The following TUSC3 variants were observed in gnomAD, a reference collection of about 807,000 sequenced individuals.
TUSC3 encodes dolichyl-diphosphooligosaccharide--protein glycosyltransferase subunit TUSC3.
A neutral mutation model predicts 44.8 loss-of-function variants in TUSC3; 45 were observed. The ratio of observed to expected loss-of-function variants is 1.00; its 90% CI spans 0.79 to 1.29. TUSC3 has a LOEUF of 1.29. Ranked by LOEUF, TUSC3 falls within the 50% of genes most tolerant of loss-of-function variation. The pLI, the probability that TUSC3 is intolerant of heterozygous loss-of-function variation, is 0.00. For missense variants in TUSC3, 519 were observed against 437.9 expected (o/e 1.19, Z -1.65); for synonymous variants, 212 against 152.9 (o/e 1.39, Z -2.85).
In TUSC3 at chr8:15,526,983, A is replaced by G. The variant is rs1801381295; in HGVS notation, n.189+43500A>G. ...AAGGATTAAGTGTATTTTTTGTCAT[A>G]TTCAAATTTTGTTGTGAATTCATAG... On this transcript the variant is annotated intron_variant and non_coding_transcript_variant, in intron 2 of 5. Coordinates refer to the TUSC3 transcript ENST00000503191. Among the ~76,000 whole-genome samples, 3 of 152,206 alleles carry G rather than the reference A, an allele frequency of 2.0e-5. No homozygotes were observed. In the South Asian group the frequency reaches 6.2e-4, roughly 32 times the overall value.
At chr8:15,715,783 C>T (rs1475151908) in intron 6 of TUSC3, among the ~76,000 whole-genome samples, 2 of 151,844 alleles carry the variant, frequency 1.3e-5, no homozygotes, top group East Asian at 1.9e-4. Context: ...ATGCAAAACT[C>T]GTGGGCATAC....
rs116832536 is a variant in TUSC3, at chr8:15,459,669, C to G, written n.92-23717C>G. Among the ~76,000 whole-genome samples, 489 of 152,078 alleles carry G rather than the reference C, an allele frequency of 3.2e-3. 1 individual carries two copies. Among genetic ancestry groups the G allele is most frequent in the African/African-American group, 0.011 (475 of 41,494 alleles). On this transcript the variant is annotated intron_variant and non_coding_transcript_variant, in intron 1 of 5. Transcript: ENST00000503191. ...AAAATCCATTGTATCATTTTTATGT[C>G]TTTGGTGTCCTCATAGTTTAGCTTT...
At chr8:15,606,034 T>G (rs1039289401) in intron 1 of TUSC3, among the ~76,000 whole-genome samples, 3 of 151,936 alleles carry the variant, frequency 2.0e-5, no homozygotes, top group African/African-American at 7.2e-5. Context: ...TTCATTCTGT[T>G]TAATGTAATA....
chr8:15,750,330 A>T (rs2129218991), intron 9 of TUSC3, among the ~76,000 whole-genome samples: 1 of 152,220 alleles, frequency 6.6e-6, no homozygotes, highest in African/African-American at 2.4e-5. Flanking sequence ...GGTAAAGGGC[A>T]AATTCTAACT....
chr8:15,631,554 A>G (rs898412104), intron 2 of TUSC3, among the ~76,000 whole-genome samples: 36 of 152,090 alleles, frequency 2.4e-4, no homozygotes, highest in African/African-American at 8.2e-4. Context: ...GCTCTCTTTT[A>G]AGTATAGGTA....
chr8:15,673,450 A>G (rs2129183384), intron 5 of TUSC3, among the ~76,000 whole-genome samples: 1 of 152,206 alleles, frequency 6.6e-6, no homozygotes, highest in Admixed American at 6.6e-5. Context: ...TCAGGTGAGC[A>G]CATAGTATCA....
At chr8:15,638,430 T>C (rs1369676708) in intron 2 of TUSC3, among the ~76,000 whole-genome samples, 1 of 152,070 alleles carries the variant, frequency 6.6e-6, no homozygotes, top group East Asian at 1.9e-4. Flanking sequence ...AATTGTCGCG[T>C]ATAGTTTTAA....
At chr8:15,810,982 C>T in the TUSC3 span, among the ~76,000 whole-genome samples, 6 of 152,094 alleles carry the variant, frequency 3.9e-5, no homozygotes, top group African/African-American at 1.2e-4. Flanking sequence ...AGCTTATAGA[C>T]ATTCTCCTTA....
intron 6 of TUSC3, among the ~76,000 whole-genome samples, chr8:15,691,506 C>A (rs939087376): frequency 6.6e-6 from 1 of 152,066 alleles, no homozygotes. Flanking sequence ...TTATTTCATT[C>A]TCTTGCTGGA....
chr8:15,585,246 C>G (rs1354626044), intron 1 of TUSC3, among the ~76,000 whole-genome samples: 1 of 152,080 alleles, frequency 6.6e-6, no homozygotes, highest in Non-Finnish European at 1.5e-5. Context: ...AGATCCATGG[C>G]ATTTGAAGTC....
At chr8:15,762,614 T>G (rs1812206868) in intron 10 of TUSC3, among the ~76,000 whole-genome samples, 1 of 152,144 alleles carries the variant, frequency 6.6e-6, no homozygotes, top group South Asian at 2.1e-4. Context: ...CTGCAGAGCC[T>G]TTAAACACTA....
At chr8:15,570,064 C>G (rs1802814754) in intron 1 of TUSC3, among the ~76,000 whole-genome samples, 1 of 151,790 alleles carries the variant, frequency 6.6e-6, no homozygotes, top group Non-Finnish European at 1.5e-5. Flanking sequence ...CAAATAAAAC[C>G]TTCAGGTTTA....
In TUSC3 at chr8:15,497,430, G is replaced by A. The variant is rs184882062; in HGVS notation, n.189+13947G>A. Among the ~76,000 whole-genome samples, 6 of 152,268 alleles carry A rather than the reference G, an allele frequency of 3.9e-5. No individual in the cohort carries two copies. In the East Asian group the frequency reaches 1.2e-3, roughly 29 times the overall value. ...CACTATCCAAGGATGTTTGCTAAAC[G>A]AACATGTTAAAATTAGATTCCAGAA... On this transcript the variant is annotated intron_variant and non_coding_transcript_variant, in intron 2 of 5. Coordinates refer to the TUSC3 transcript ENST00000503191.
chr8:15,424,679 G>A (rs1205350507), intron 1 of TUSC3, among the ~76,000 whole-genome samples: 1 of 152,086 alleles, frequency 6.6e-6, no homozygotes, highest in African/African-American at 2.4e-5. Context: ...AGGAGATCGA[G>A]ACTATCCTGG....
chr8:15,663,110 C>A (rs1585205702), intron 5 of TUSC3, among the ~76,000 whole-genome samples: 1 of 151,580 alleles, frequency 6.6e-6, no homozygotes, highest in Admixed American at 6.6e-5. Context: ...CAAAACAATT[C>A]AGTTATAATT....
At chr8:15,618,928 A>G (rs1438828169) in intron 1 of TUSC3, among the ~76,000 whole-genome samples, 2 of 152,048 alleles carry the variant, frequency 1.3e-5, no homozygotes, top group Non-Finnish European at 2.9e-5. Context: ...TTGTGTATGG[A>G]GTCTGTTGTT....
intron 1 of TUSC3, among the ~76,000 whole-genome samples, chr8:15,471,487 T>C (rs114395972): frequency 6.6e-6 from 1 of 152,106 alleles, no homozygotes; most frequent in Admixed American, 6.6e-5. Context: ...AATAAAACTT[T>C]TTCTTCATCT....
At chr8:15,489,134 T>C (rs1421036376) in intron 2 of TUSC3, among the ~76,000 whole-genome samples, 1 of 152,208 alleles carries the variant, frequency 6.6e-6, no homozygotes, top group Non-Finnish European at 1.5e-5. Flanking sequence ...CTTGATTTTA[T>C]ACATTTTAGA....
intron 2 of TUSC3, among the ~76,000 whole-genome samples, chr8:15,489,274 A>G (rs1252386347): frequency 2.0e-5 from 3 of 152,210 alleles, no homozygotes; most frequent in Admixed American, 1.3e-4. Context: ...CTAATTGGCA[A>G]TTGACTGGAG....
Sources: gnomAD v4.1 joint callset for allele counts (sites outside exome capture counted in the v4.1 genomes callset) on GRCh38, gnomAD v4.1.1 for gene constraint, MANE v1.5 for transcripts, NCBI Gene and HGNC (gene_info 2026-07-23, HGNC 2026-07-21) for gene names.